The following SLC9C1 variants were observed in gnomAD, a reference collection of about 807,000 sequenced individuals.
The protein encoded by SLC9C1 is solute carrier family 9 member C1.
SLC9C1 carries 97 observed loss-of-function variants against 140.9 expected under a neutral mutation model. The observed-to-expected ratio is 0.69, with a 90% CI of 0.58 to 0.82. The LOEUF is 0.82. Ranked by LOEUF, SLC9C1 falls within the 40% of genes least tolerant of loss-of-function variation. The pLI is 0.00. For missense variants in SLC9C1, 1,340 were observed against 1,389.3 expected, an observed-to-expected ratio of 0.96 and a Z score of 0.56; for synonymous variants, 440 against 442.6, an observed-to-expected ratio of 0.99 and a Z score of 0.07.
At chr3:112,198,959 T>A (rs1472507075) in intron 20 of SLC9C1, among the ~76,000 whole-genome samples, 3 of 151,742 alleles carry the variant, frequency 2.0e-5, no homozygotes, top group African/African-American at 4.8e-5. Flanking sequence ...AACCCTACAA[T>A]TGAGTGTTCT....
chr3:112,227,730 A>G (rs9871492), intron 13 of SLC9C1, among the ~76,000 whole-genome samples: 114,790 of 152,008 alleles, frequency 0.76, 43,750 homozygotes, highest in East Asian at 0.99. Flanking sequence ...TGCAGGATAC[A>G]ATATTAACAA....
chr3:112,246,857 A>T (rs1408474564), intron 10 of SLC9C1, among the ~76,000 whole-genome samples: 4 of 152,206 alleles, frequency 2.6e-5, no homozygotes, highest in African/African-American at 4.8e-5. Context: ...CTTGCCAAAA[A>T]GGCTTACAAT....
intron 12 of SLC9C1, 22 bp from the exon 13 acceptor site, chr3:112,231,508 G>T (rs1345379572): frequency 1.3e-6 from 2 of 1,575,186 alleles, no homozygotes; most frequent in South Asian, 1.2e-5. Flanking sequence ...ATAAATAAAA[G>T]AACAAAAAAT....
intron 21 of SLC9C1, among the ~76,000 whole-genome samples, chr3:112,181,738 G>A (rs1387774141): frequency 6.6e-5 from 10 of 152,014 alleles, no homozygotes; most frequent in Non-Finnish European, 1.5e-4. Context: ...ACTTCTCTGA[G>A]TACTCTGGTG....
At chr3:112,199,147 C>A (rs569561556) in intron 20 of SLC9C1, among the ~76,000 whole-genome samples, 174 bp downstream of exon 20, 1 of 151,410 alleles carries the variant, frequency 6.6e-6, no homozygotes, top group East Asian at 1.9e-4. Flanking sequence ...AAGCTGACCA[C>A]CTGGGCTGCA....
chr3:112,200,859 G>T, intron 18 of SLC9C1, 97 bp from the exon 19 acceptor site: 1 of 1,088,454 alleles, frequency 9.2e-7, no homozygotes, highest in East Asian at 2.5e-5. Flanking sequence ...TAAGTTAATA[G>T]TTTTAAGAGA....
At chr3:112,196,741 A>T (rs1418903465) in intron 20 of SLC9C1, among the ~76,000 whole-genome samples, 1 of 151,812 alleles carries the variant, frequency 6.6e-6, no homozygotes, top group African/African-American at 2.4e-5. Flanking sequence ...ATTTCTTTTT[A>T]GATTTTCTGT....
At chr3:112,202,180 G>C (rs1002743154) in intron 18 of SLC9C1, 70 bp downstream of exon 18, 19 of 1,557,300 alleles carry the variant, frequency 1.2e-5, no homozygotes, top group Admixed American at 1.9e-5. Context: ...TATATGAACA[G>C]AAAAAAATGA....
intron 28 of SLC9C1, among the ~76,000 whole-genome samples, chr3:112,144,843 G>A (rs1231344777): frequency 6.6e-6 from 1 of 152,174 alleles, no homozygotes; most frequent in African/African-American, 2.4e-5. Context: ...AAGCCTTTTG[G>A]TAGAGTCCTT....
chr3:112,294,156 G>T lies in SLC9C1; in HGVS notation c.-151C>A, dbSNP rs1475282449. 1.3e-5 allele frequency: 2 copies of T among 152,264 alleles called. No homozygotes were observed. The highest frequency in any genetic ancestry group is 2.4e-5 in the African/African-American group (1 of 41,406). The allele number at this position is 152,264 out of a possible 1,614,324, so 9.4% of individuals were successfully genotyped here. ...GTGAGAAGTGGGGGGCAGCTATTTCGCTCACAGCCAAACAGCCCAGACCAA... is the reference window on the plus strand; with the variant it reads ...GTGAGAAGTGGGGGGCAGCTATTTCTCTCACAGCCAAACAGCCCAGACCAA... On this transcript the variant is annotated 5_prime_UTR_variant, in exon 1 of 29. Coordinates refer to ENST00000305815, the MANE Select transcript of SLC9C1 (RefSeq NM_183061.3).
In SLC9C1 at chr3:112,245,198, A is replaced by C. The variant is rs186350395; in HGVS notation, c.1198-1122T>G. ...ATAGCATATGACATGTCTCACTGTGATTTTAATTTGCATTTCCTTAGAGTA... is the reference window on the plus strand; with the variant it reads ...ATAGCATATGACATGTCTCACTGTGCTTTTAATTTGCATTTCCTTAGAGTA... On this transcript the variant is annotated intron_variant, in intron 10 of 28. Transcript: ENST00000305815. 7.5e-4 allele frequency among the ~76,000 whole-genome samples: 115 copies of C among 152,330 alleles called. 2 individuals carry two copies. The East Asian group carries it at 0.022, about 29-fold the overall frequency.
At position 112,258,386 on chromosome 3, in the gene SLC9C1, T is replaced by A. The variant is rs145385801; in HGVS notation, c.1197+4538A>T. On this transcript the variant is annotated intron_variant, in intron 10 of 28. Coordinates refer to ENST00000305815, the MANE Select transcript of SLC9C1 (RefSeq NM_183061.3). ...TCTCACATTGCTATCAAGAACTACC[T>A]GAGATTTGGGTGGGTTTTTTTGTTT... is the stretch of plus-strand genomic sequence containing the variant. 2.0e-3 allele frequency among the ~76,000 whole-genome samples: 305 copies of A among 150,332 alleles called. 2 individuals carry two copies. Among genetic ancestry groups the A allele is most frequent in the African/African-American group, 7.0e-3 (290 of 41,346 alleles).
At chr3:112,198,772 GC>G (rs2077829313) in intron 20 of SLC9C1, among the ~76,000 whole-genome samples, 1 of 151,354 alleles carries the variant, frequency 6.6e-6, no homozygotes, top group Non-Finnish European at 1.5e-5. Context: ...CTACTATTAT[GC>G]TAAGAAATTT....
At chr3:112,291,966 A>G (rs193161337) in intron 1 of SLC9C1, among the ~76,000 whole-genome samples, 1 of 152,378 alleles carries the variant, frequency 6.6e-6, no homozygotes, top group African/African-American at 2.4e-5. Context: ...TGTCCTTTGT[A>G]GGAACATGGA....
intron 10 of SLC9C1, among the ~76,000 whole-genome samples, chr3:112,256,232 C>A (rs1042469965): frequency 6.6e-6 from 1 of 152,108 alleles, no homozygotes; most frequent in African/African-American, 2.4e-5. Context: ...TTCTATGAGG[C>A]TAGCATCATC....
chr3:112,257,760 T>G lies in SLC9C1; in HGVS notation c.1197+5164A>C, dbSNP rs755713480. Among the ~76,000 whole-genome samples the G allele has an allele frequency of 2.4e-4, 36 of 152,008 alleles. 1 individual carries two copies. Among genetic ancestry groups the G allele is most frequent in the African/African-American group, 2.4e-5 (1 of 41,408 alleles). ...AAAGAAACTATCAACAGAGTAAATA[T>G]AAAACCTACAGAATGGGAGAAAATA... On this transcript the variant is annotated intron_variant, in intron 10 of 28. Transcript: ENST00000305815.
intron 15 of SLC9C1, among the ~76,000 whole-genome samples, chr3:112,209,121 TGAA>T (rs1191092150): frequency 6.6e-6 from 1 of 152,196 alleles, no homozygotes. Flanking sequence ...AATTGCCGAT[TGAA>T]GACTGGGTAA....
At chr3:112,266,472 C>A in intron 7 of SLC9C1, 132 bp from the exon 8 acceptor site, 1 of 642,314 alleles carries the variant, frequency 1.6e-6, no homozygotes, top group Non-Finnish European at 2.6e-6. Flanking sequence ...CACTTGATTT[C>A]AGCTGAAAAA....
At chr3:112,264,604 C>T (rs1453852742) in intron 8 of SLC9C1, among the ~76,000 whole-genome samples, 2 of 151,768 alleles carry the variant, frequency 1.3e-5, no homozygotes, top group Non-Finnish European at 2.9e-5. Flanking sequence ...AAATTTTAGT[C>T]TCAGTATGGT....
Sources: allele counts gnomAD v4.1 joint callset (sites outside exome capture counted in the v4.1 genomes callset), GRCh38; gene constraint gnomAD v4.1.1; transcripts MANE v1.5; gene names NCBI Gene and HGNC (gene_info 2026-07-23, HGNC 2026-07-21).